The following CARMIL1 variants were observed in gnomAD, a reference collection of about 807,000 sequenced individuals.
CARMIL1 encodes capping protein regulator and myosin 1 linker 1.
CARMIL1 carries 90 observed loss-of-function variants against 177.1 expected under a neutral mutation model. The ratio of observed to expected loss-of-function variants is 0.51; its 90% CI spans 0.43 to 0.61. The LOEUF (loss-of-function observed/expected upper bound fraction) is 0.61. CARMIL1 is among the 20% of genes least tolerant of loss of function. CARMIL1 has a pLI of 0.00. For synonymous variants in CARMIL1, 577 were observed against 606.2 expected (o/e 0.95, Z 0.71); for missense variants, 1,380 against 1,667.0 (o/e 0.83, Z 3.00).
At chr6:25,504,545 G>T (rs1380839096) in intron 17 of CARMIL1, among the ~76,000 whole-genome samples, 1 of 152,084 alleles carries the variant, frequency 6.6e-6, no homozygotes, top group Non-Finnish European at 1.5e-5. Context: ...TTGTTATTTG[G>T]AAAATTAAAT....
At chr6:25,293,265 GGTGTGTGTGTGTGT>G (rs57127326) in intron 2 of CARMIL1, among the ~76,000 whole-genome samples, 4 of 134,382 alleles carry the variant, frequency 3.0e-5, no homozygotes, top group South Asian at 2.6e-4. Context: ...AAGGATGCTT[GGTGTGTGTGTGTGT>G]GTGTGTGTGT....
intron 2 of CARMIL1, among the ~76,000 whole-genome samples, chr6:25,300,382 G>A (rs1394633698): frequency 6.6e-6 from 1 of 152,126 alleles, no homozygotes. Context: ...AAATGCAAAA[G>A]CAGGCCAAGC....
At chr6:25,463,848 A>G (rs1582042060) in intron 8 of CARMIL1, among the ~76,000 whole-genome samples, 1 of 108,986 alleles carries the variant, frequency 9.2e-6, no homozygotes, top group Non-Finnish European at 1.7e-5. Context: ...TTTGAGACGG[A>G]GTCTCGCTCT....
At chr6:25,463,658 G>A (rs1437804590) in intron 8 of CARMIL1, among the ~76,000 whole-genome samples, 2 of 152,124 alleles carry the variant, frequency 1.3e-5, no homozygotes, top group Non-Finnish European at 2.9e-5. Flanking sequence ...TGGGCTTTGG[G>A]GACTCTGTAA....
chr6:25,420,188 T>A, intron 3 of CARMIL1, 24 bp downstream of exon 3: 3 of 1,610,796 alleles, frequency 1.9e-6, no homozygotes, highest in Non-Finnish European at 2.5e-6. Context: ...AAGTCCTTCC[T>A]TCTGCACTCA....
intron 2 of CARMIL1, among the ~76,000 whole-genome samples, chr6:25,413,159 G>A (rs190489902): frequency 1.4e-5 from 2 of 144,490 alleles, no homozygotes; most frequent in Admixed American, 6.9e-5. Context: ...CTAGGTATAT[G>A]TCTTGGATTA....
intron 2 of CARMIL1, among the ~76,000 whole-genome samples, chr6:25,333,811 G>C (rs1001763227): frequency 6.6e-6 from 1 of 152,126 alleles, no homozygotes; most frequent in Non-Finnish European, 1.5e-5. Flanking sequence ...CCATATAACT[G>C]TCATTACTTC....
intron 9 of CARMIL1, among the ~76,000 whole-genome samples, chr6:25,466,412 A>G (rs1800599705): frequency 6.6e-6 from 1 of 152,216 alleles, no homozygotes; most frequent in Admixed American, 6.5e-5. Context: ...GGGTAGATTT[A>G]TATGAAAGCA....
chr6:25,426,438 T>C lies in CARMIL1; in HGVS notation c.190-63T>C, dbSNP rs1212421379. ...TTTTTTTTTTTTTTTTTACCTTAAG[T>C]TATATGTTTTTTTAAAACCCTCATT... On this transcript the variant is annotated intron_variant, in intron 3 of 36. Coordinates refer to ENST00000329474, the MANE Select transcript of CARMIL1 (RefSeq NM_017640.6). The C allele has an allele frequency of 4.8e-6, 6 of 1,239,944 alleles. No individual in the cohort carries two copies. In the African/African-American group the frequency reaches 6.1e-5, roughly 13 times the overall value. The allele number at this position is 1,239,944 out of a possible 1,614,324, so 76.8% of individuals were successfully genotyped here.
intron 16 of CARMIL1, among the ~76,000 whole-genome samples, chr6:25,498,922 C>T (rs754340439): frequency 9.2e-5 from 14 of 152,178 alleles, no homozygotes; most frequent in Admixed American, 2.0e-4. Flanking sequence ...TCAAAGGACA[C>T]TGTTTTAGAA....
intron 2 of CARMIL1, among the ~76,000 whole-genome samples, chr6:25,296,899 A>ATCTG (rs1554153464): frequency 2.6e-5 from 1 of 38,558 alleles, no homozygotes; most frequent in Admixed American, 3.1e-4. Context: ...ATCTTTATCT[A>ATCTG]TCTATCTATC....
At chr6:25,485,631 C>T (rs1582113246) in intron 12 of CARMIL1, among the ~76,000 whole-genome samples, 4 of 151,990 alleles carry the variant, frequency 2.6e-5, no homozygotes, top group Admixed American at 2.0e-4. Flanking sequence ...GATGAGTTTT[C>T]GCCATGTTGG....
At chr6:25,337,509 G>A (rs1208464787) in intron 2 of CARMIL1, among the ~76,000 whole-genome samples, 1 of 152,190 alleles carries the variant, frequency 6.6e-6, no homozygotes, top group Non-Finnish European at 1.5e-5. Context: ...CAAGGTAATT[G>A]TCTTGTCACA....
chr6:25,544,606 TACACAC>T (rs3034120), intron 26 of CARMIL1, among the ~76,000 whole-genome samples: 17,394 of 142,348 alleles, frequency 0.12, 1,069 homozygotes, highest in Admixed American at 0.16. Context: ...GTTACTAGAC[TACACAC>T]ACACACACAC....
chr6:25,580,841 C>A, intron 29 of CARMIL1, 83 bp from the exon 30 acceptor site: 1 of 1,036,736 alleles, frequency 9.6e-7, no homozygotes, highest in Non-Finnish European at 1.5e-6. Context: ...GTTAAACAGT[C>A]GATCCAGAAT....
intron 1 of CARMIL1, 41 bp from the exon 2 acceptor site, chr6:25,284,771 C>A: frequency 1.7e-6 from 2 of 1,186,048 alleles, no homozygotes; most frequent in Non-Finnish European, 1.2e-6. Context: ...CTCCTCAGTG[C>A]TTTTTTTCTT....
intron 9 of CARMIL1, among the ~76,000 whole-genome samples, chr6:25,469,671 C>A (rs930603539): frequency 3.3e-5 from 5 of 152,218 alleles, no homozygotes; most frequent in African/African-American, 1.2e-4. Flanking sequence ...GATCCTCCCA[C>A]CTTACCCTCC....
rs577903373 is a variant in CARMIL1, at chr6:25,573,326, A to C, written c.2743-7598A>C. On this transcript the variant is annotated intron_variant, in intron 29 of 36. Transcript: ENST00000329474. ...ATTTTCATTTCATTAAAATGAAAAA[A>C]ATTACTTTTCATGTTAAAGGATGCT... Among the ~76,000 whole-genome samples the C allele has an allele frequency of 5.3e-5, 8 of 152,270 alleles. No homozygotes were observed. The South Asian group carries it at 1.5e-3, about 28-fold the overall frequency.
chr6:25,437,127 C>G (rs1477037861), intron 5 of CARMIL1, among the ~76,000 whole-genome samples: 2 of 152,190 alleles, frequency 1.3e-5, no homozygotes, highest in African/African-American at 4.8e-5. Context: ...TACAACCCAT[C>G]TTCCTTAAAC....
Sources: gnomAD v4.1 joint callset for allele counts (sites outside exome capture counted in the v4.1 genomes callset) on GRCh38, gnomAD v4.1.1 for gene constraint, MANE v1.5 for transcripts, NCBI Gene and HGNC (gene_info 2026-07-23, HGNC 2026-07-21) for gene names.